Variants in ATRNL1 observed in about 807,000 individuals in gnomAD.
ATRNL1 encodes attractin like 1, also known as attractin-like protein 1.
Under a neutral mutation model 182.7 loss-of-function variants are expected in ATRNL1, and 95 were observed. The ratio of observed to expected loss-of-function variants is 0.52; its 90% CI spans 0.44 to 0.62. ATRNL1 has a LOEUF of 0.62. ATRNL1 is among the 20% of genes least tolerant of loss of function. The pLI, the probability that ATRNL1 is intolerant of heterozygous loss-of-function variation, is 0.00. For synonymous variants in ATRNL1, 576 were observed against 568.3 expected (o/e 1.01, Z -0.19); for missense variants, 1,471 against 1,679.5 (o/e 0.88, Z 2.17).
At chr10:115,113,784 A>G (rs1193823847) in intron 1 of ATRNL1, among the ~76,000 whole-genome samples, 1 of 152,130 alleles carries the variant, frequency 6.6e-6, no homozygotes, top group Non-Finnish European at 1.5e-5. Flanking sequence ...ATGCTAATAC[A>G]CTAATCTTAA....
chr10:115,422,409 A>G (rs1213341592), intron 20 of ATRNL1, among the ~76,000 whole-genome samples: 1 of 152,234 alleles, frequency 6.6e-6, no homozygotes, highest in Non-Finnish European at 1.5e-5. Flanking sequence ...AGAAGAAGAC[A>G]TACATGTGTC....
intron 25 of ATRNL1, among the ~76,000 whole-genome samples, chr10:115,523,058 C>A (rs1342447362): frequency 2.0e-5 from 3 of 152,266 alleles, no homozygotes; most frequent in Non-Finnish European, 4.4e-5. Flanking sequence ...GGTCTCCACC[C>A]CTATGGCAGG....
In ATRNL1 at chr10:115,946,769, G is replaced by T. The variant is rs1199224091; in HGVS notation, c.*1990G>T. On this transcript the variant is annotated 3_prime_UTR_variant, in exon 29 of 29. Coordinates refer to ENST00000355044, the MANE Select transcript of ATRNL1 (RefSeq NM_207303.4). ...GACTTCTCTCATGAAAAAATAAATT[G>T]ATGAAACTAATGATTACAAAGATAT... The T allele has an allele frequency of 6.6e-6, 1 of 151,980 alleles. No individual in the cohort carries two copies. The highest frequency in any genetic ancestry group is 2.4e-5 in the African/African-American group (1 of 41,384). 9.4% of individuals were successfully genotyped at this position (151,980 alleles called of 1,614,324 possible).
At chr10:115,418,639 G>T (rs1307808756) in intron 20 of ATRNL1, among the ~76,000 whole-genome samples, 1 of 152,090 alleles carries the variant, frequency 6.6e-6, no homozygotes, top group Non-Finnish European at 1.5e-5. Flanking sequence ...ATACCACAAG[G>T]CATGTCACAA....
chr10:115,706,757 T>C (rs555144769), intron 26 of ATRNL1, among the ~76,000 whole-genome samples: 2 of 152,054 alleles, frequency 1.3e-5, no homozygotes, highest in South Asian at 2.1e-4. Context: ...CAATTTAAAG[T>C]CATGTATAGT....
chr10:115,150,268 GT>G (rs1846163625), intron 5 of ATRNL1, among the ~76,000 whole-genome samples: 2 of 150,348 alleles, frequency 1.3e-5, no homozygotes, highest in South Asian at 4.2e-4. Context: ...CTAGCAAGTG[GT>G]TTATTGGTAG....
intron 10 of ATRNL1, among the ~76,000 whole-genome samples, chr10:115,257,933 G>GC (rs1851226587): frequency 6.6e-6 from 1 of 152,140 alleles, no homozygotes; most frequent in Admixed American, 6.5e-5. Flanking sequence ...TTGAATTTTG[G>GC]CCCTTAGTCT....
At chr10:115,160,342 A>G in intron 6 of ATRNL1, 128 bp downstream of exon 6, 3 of 776,442 alleles carry the variant, frequency 3.9e-6, no homozygotes, top group Non-Finnish European at 6.1e-6. Flanking sequence ...TGCTAGTGAG[A>G]CTGATTTGTG....
At chr10:115,940,672 ACTCTCTCTCTCTCTCTCTCT>A (rs144547639) in intron 28 of ATRNL1, among the ~76,000 whole-genome samples, 5 of 128,820 alleles carry the variant, frequency 3.9e-5, no homozygotes, top group African/African-American at 1.8e-4. Context: ...GACAGAGATT[ACTCTCTCTCTCTCTCTCTCT>A]CTCTCTTCTC....
At chr10:115,230,804 C>T (rs1849891389) in intron 9 of ATRNL1, among the ~76,000 whole-genome samples, 1 of 144,984 alleles carries the variant, frequency 6.9e-6, no homozygotes, top group African/African-American at 2.6e-5. Flanking sequence ...TGGTTGGATT[C>T]CGAATATATT....
intron 19 of ATRNL1, among the ~76,000 whole-genome samples, chr10:115,354,716 A>G (rs114952921): frequency 0.013 from 1,965 of 151,904 alleles, 38 homozygotes; most frequent in African/African-American, 0.044. Context: ...CTTTACCTAA[A>G]TGTTCGTATC....
At chr10:115,869,003 G>A (rs1409808239) in intron 28 of ATRNL1, among the ~76,000 whole-genome samples, 1 of 151,552 alleles carries the variant, frequency 6.6e-6, no homozygotes, top group Non-Finnish European at 1.5e-5. Flanking sequence ...CTAATTTTTT[G>A]TATTTTTAGT....
intron 27 of ATRNL1, among the ~76,000 whole-genome samples, chr10:115,822,940 C>A (rs1265874668): frequency 6.6e-6 from 1 of 152,166 alleles, no homozygotes; most frequent in Non-Finnish European, 1.5e-5. Flanking sequence ...ATGAGGCCAG[C>A]ATTATCCTGA....
intron 27 of ATRNL1, among the ~76,000 whole-genome samples, chr10:115,755,677 G>A (rs1948569318): frequency 6.6e-6 from 1 of 152,122 alleles, no homozygotes; most frequent in Admixed American, 6.6e-5. Flanking sequence ...GATGATGCTG[G>A]CCTCATAAAA....
At chr10:115,717,336 T>C (rs1947284682) in intron 26 of ATRNL1, among the ~76,000 whole-genome samples, 1 of 152,106 alleles carries the variant, frequency 6.6e-6, no homozygotes, top group African/African-American at 2.4e-5. Context: ...AAATAATGAA[T>C]CTAATTTATT....
At chr10:115,333,245 T>C (rs1160807838) in intron 18 of ATRNL1, among the ~76,000 whole-genome samples, 2 of 152,200 alleles carry the variant, frequency 1.3e-5, no homozygotes, top group Non-Finnish European at 2.9e-5. Flanking sequence ...AAGTTAATTT[T>C]ATGTCCCAAA....
intron 1 of ATRNL1, among the ~76,000 whole-genome samples, chr10:115,098,627 AATTTTTTGTT>A (rs2085081600): frequency 6.6e-6 from 1 of 151,572 alleles, no homozygotes; most frequent in East Asian, 2.0e-4. Context: ...ACGCCCGGCT[AATTTTTTGTT>A]TAGTAGAGAC....
intron 19 of ATRNL1, among the ~76,000 whole-genome samples, chr10:115,378,368 T>C (rs1473008509): frequency 2.0e-5 from 3 of 152,164 alleles, no homozygotes; most frequent in Non-Finnish European, 4.4e-5. Context: ...AGGCCCAAGA[T>C]CCAGGGCCAT....
At chr10:115,139,126 C>A (rs1489205469) in intron 5 of ATRNL1, among the ~76,000 whole-genome samples, 1 of 152,210 alleles carries the variant, frequency 6.6e-6, no homozygotes, top group African/African-American at 2.4e-5. Context: ...TCTGAGACCA[C>A]CTCAGCCTGG....
Sources: allele counts gnomAD v4.1 joint callset (sites outside exome capture counted in the v4.1 genomes callset), GRCh38; gene constraint gnomAD v4.1.1; transcripts MANE v1.5; gene names NCBI Gene and HGNC (gene_info 2026-07-23, HGNC 2026-07-21).